SCEL: variants seen among roughly 807,000 people sequenced by gnomAD.
The protein encoded by SCEL is sciellin.
In SCEL, 113 loss-of-function variants were observed where a neutral mutation model predicts 117.6. The ratio of observed to expected loss-of-function variants is 0.96; its 90% CI spans 0.83 to 1.12. The LOEUF (loss-of-function observed/expected upper bound fraction) is 1.12, where lower values mean the gene tolerates loss of function less well. Ranked by LOEUF, SCEL falls within the 50% of genes most tolerant of loss-of-function variation. The pLI is 0.00. For synonymous variants in SCEL, 270 were observed against 256.2 expected, an observed-to-expected ratio of 1.05 and a Z score of -0.51; for missense variants, 785 against 810.8, an observed-to-expected ratio of 0.97 and a Z score of 0.39.
chr13:77,619,736 G>A (rs890723184), intron 27 of SCEL, among the ~76,000 whole-genome samples: 3 of 152,042 alleles, frequency 2.0e-5, no homozygotes, highest in Non-Finnish European at 4.4e-5. Flanking sequence ...TTTGTTGGGT[G>A]GATTTTTCTT....
intron 9 of SCEL, among the ~76,000 whole-genome samples, chr13:77,578,559 G>C (rs965327050): frequency 6.6e-6 from 1 of 152,136 alleles, no homozygotes; most frequent in African/African-American, 2.4e-5. Context: ...TATTCTCTGG[G>C]AGATCTGATG....
chr13:77,623,239 T>G (rs1258185369), intron 27 of SCEL: 3 of 152,258 alleles, frequency 2.0e-5, no homozygotes, highest in Non-Finnish European at 4.4e-5. Context: ...CTTCTTTTAC[T>G]GGATCTTCAA....
intron 1 of SCEL, among the ~76,000 whole-genome samples, chr13:77,551,290 A>G (rs892708091): frequency 6.6e-6 from 1 of 152,154 alleles, no homozygotes; most frequent in Non-Finnish European, 1.5e-5. Context: ...GTGGATCTTT[A>G]TTCTATTAGC....
At chr13:77,601,884 G>T (rs546900763) in intron 15 of SCEL, among the ~76,000 whole-genome samples, 181 bp from the exon 16 acceptor site, 1 of 152,338 alleles carries the variant, frequency 6.6e-6, no homozygotes, top group East Asian at 1.9e-4. Flanking sequence ...CATTTTGCAT[G>T]ATGGATAGAG....
At chr13:77,551,143 G>A (rs1253758831) in intron 1 of SCEL, among the ~76,000 whole-genome samples, 1 of 152,202 alleles carries the variant, frequency 6.6e-6, no homozygotes, top group East Asian at 1.9e-4. Context: ...TAACACCTTG[G>A]ACATGTTGCA....
At chr13:77,633,464 AAAG>A (rs1483074660) in intron 28 of SCEL, among the ~76,000 whole-genome samples, 9 of 145,098 alleles carry the variant, frequency 6.2e-5, no homozygotes, top group African/African-American at 1.5e-4. Context: ...AAAAAAAAAA[AAAG>A]AAGCCAGGCA....
At chr13:77,572,657 C>A (rs573693266) in intron 9 of SCEL, among the ~76,000 whole-genome samples, 1 of 152,174 alleles carries the variant, frequency 6.6e-6, no homozygotes, top group Non-Finnish European at 1.5e-5. Context: ...TTGACCTGAT[C>A]GCTGCCTTCA....
intron 9 of SCEL, among the ~76,000 whole-genome samples, chr13:77,583,602 G>A (rs142210506): frequency 1.6e-4 from 25 of 152,226 alleles, no homozygotes; most frequent in Non-Finnish European, 2.9e-4. Flanking sequence ...TAATAGATTC[G>A]CAGTGAAAAT....
rs759406117 is a variant in SCEL at position 77,568,331 on chromosome 13, G to A, written c.396G>A (p.Lys132=). Residue 132 remains lysine (K), a splice_region_variant and synonymous_variant, in exon 7 of 33, where the codon AAG becomes AAA. Coordinates refer to ENST00000349847, the MANE Select transcript of SCEL (RefSeq NM_144777.3). ...TGTTTAGATCACTGGAAGTAACAAA[G>A]TTGTATGTATTCTTTCTAATTGTAG... ...MSMFRSLEVT[K]LQPGGSLNAN... is the part of the protein sequence containing the mutation. The A allele has an allele frequency of 6.5e-5, 101 of 1,556,800 alleles. No homozygotes were observed. Among genetic ancestry groups the A allele is most frequent in the Non-Finnish European group, 8.4e-5 (95 of 1,134,240 alleles).
intron 9 of SCEL, among the ~76,000 whole-genome samples, chr13:77,573,760 G>C (rs1263790672): frequency 6.6e-6 from 1 of 151,924 alleles, no homozygotes; most frequent in Admixed American, 6.6e-5. Context: ...AACATGTTGA[G>C]CAGTCACAAC....
At chr13:77,634,821 T>C (rs1168188748) in intron 29 of SCEL, among the ~76,000 whole-genome samples, 1 of 152,202 alleles carries the variant, frequency 6.6e-6, no homozygotes, top group Non-Finnish European at 1.5e-5. Flanking sequence ...CTATCTACTT[T>C]TGTTTACTGC....
intron 24 of SCEL, among the ~76,000 whole-genome samples, chr13:77,614,996 G>T (rs2088919965): frequency 6.6e-6 from 1 of 152,036 alleles, no homozygotes; most frequent in Non-Finnish European, 1.5e-5. Context: ...TGTACCAGGG[G>T]CACAGAGATG....
rs150560871 is a variant in SCEL, at chr13:77,634,464, A to G, written c.1763+14A>G. On this transcript the variant is annotated intron_variant, in intron 29 of 32. Coordinates refer to ENST00000349847, the MANE Select transcript of SCEL (RefSeq NM_144777.3). ...TGTGGAGAATAGGTATTCAAAATTT[A>G]TTTCAAATATATTGCTTCATTTTAT... is the stretch of plus-strand genomic sequence containing the variant. The G allele has an allele frequency of 5.1e-6, 8 of 1,565,002 alleles. No individual in the cohort carries two copies. In the African/African-American group the frequency reaches 1.1e-4, roughly 21 times the overall value.
At chr13:77,623,721 A>T (rs1350915170) in intron 27 of SCEL, among the ~76,000 whole-genome samples, 1 of 152,120 alleles carries the variant, frequency 6.6e-6, no homozygotes, top group African/African-American at 2.4e-5. Context: ...TCTCCCCCTC[A>T]TGAAAACTAA....
intron 18 of SCEL, 67 bp downstream of exon 18, chr13:77,603,202 G>T: frequency 1.3e-5 from 12 of 954,638 alleles, no homozygotes; most frequent in Non-Finnish European, 1.9e-5. Context: ...AAATAATTTG[G>T]CTTTTTAGCT....
At chr13:77,586,897 T>C (rs1044029332) in intron 9 of SCEL, among the ~76,000 whole-genome samples, 19 of 152,288 alleles carry the variant, frequency 1.2e-4, no homozygotes, top group African/African-American at 3.6e-4. Context: ...AGAAGAATAA[T>C]ACTTATGTCT....
chr13:77,634,279 C>A, intron 28 of SCEL, 100 bp from the exon 29 acceptor site: 2 of 967,790 alleles, frequency 2.1e-6, no homozygotes, highest in South Asian at 1.4e-5. Context: ...TCAGAAGGAA[C>A]ATATATTCAT....
chr13:77,563,796 GAT>G (rs1491405537), intron 4 of SCEL, 33 bp from the exon 5 acceptor site: 3 of 1,334,686 alleles, frequency 2.2e-6, no homozygotes, highest in Non-Finnish European at 3.1e-6. Context: ...TAATTGATTT[GAT>G]TTTTTTTTTT....
intron 24 of SCEL, among the ~76,000 whole-genome samples, chr13:77,614,807 T>C (rs2088905569): frequency 6.6e-6 from 1 of 152,160 alleles, no homozygotes; most frequent in African/African-American, 2.4e-5. Flanking sequence ...CTGATAGTAG[T>C]TCTATGATCT....
Sources: gnomAD v4.1 joint callset for allele counts (sites outside exome capture counted in the v4.1 genomes callset) on GRCh38, gnomAD v4.1.1 for gene constraint, MANE v1.5 for transcripts, NCBI Gene and HGNC (gene_info 2026-07-23, HGNC 2026-07-21) for gene names.